Variants in LRRC49 observed in about 807,000 individuals in gnomAD.
LRRC49 encodes the protein leucine rich repeat containing 49.
Under a neutral mutation model 83.3 loss-of-function variants are expected in LRRC49, and 50 were observed. The observed-to-expected ratio is 0.60, with a 90% CI of 0.48 to 0.76. The LOEUF (loss-of-function observed/expected upper bound fraction) is 0.76. Ranked by LOEUF, LRRC49 falls within the 30% of genes least tolerant of loss-of-function variation. The pLI is 0.00. For synonymous variants in LRRC49, 286 were observed against 283.3 expected, an observed-to-expected ratio of 1.01 and a Z score of -0.10; for missense variants, 704 against 809.1, an observed-to-expected ratio of 0.87 and a Z score of 1.58.
chr15:70,921,428 C>T (rs1423359059), intron 7 of LRRC49, among the ~76,000 whole-genome samples: 1 of 152,202 alleles, frequency 6.6e-6, no homozygotes, highest in Non-Finnish European at 1.5e-5. Context: ...TAGCCAGATG[C>T]TCTGTACATG....
chr15:71,052,387 T>C lies in LRRC49; in HGVS notation c.*2775T>C, dbSNP rs376207313. 3.0e-4 allele frequency: 45 copies of C among 152,310 alleles called. 1 individual carries two copies. The highest frequency in any genetic ancestry group is 1.0e-3 in the African/African-American group (43 of 41,564). The allele number at this position is 152,310 out of a possible 1,614,324, so 9.4% of individuals were successfully genotyped here. A position where few individuals can be genotyped will look rare whatever the true frequency, so the allele number is the denominator to read the frequency against. ...ATGTTCTGGTACAGCAGCTGGATGG[T>C]GAAGTGTGCTGCTACACCTGAGGAT... On this transcript the variant is annotated 3_prime_UTR_variant, in exon 16 of 16. Transcript: ENST00000260382.
exon 2 of LRRC49, chr15:70,873,018 G>C: frequency 1.7e-6 from 1 of 589,172 alleles, no homozygotes; most frequent in South Asian, 1.9e-5. Flanking sequence ...CCGAGTAGCT[G>C]GGATTATAGG....
At chr15:70,883,492 C>T (rs910236530) in intron 2 of LRRC49, among the ~76,000 whole-genome samples, 7 of 152,022 alleles carry the variant, frequency 4.6e-5, no homozygotes, top group African/African-American at 1.7e-4. Flanking sequence ...CCTCGCCCAA[C>T]CAAGATGATA....
intron 8 of LRRC49, among the ~76,000 whole-genome samples, chr15:70,952,470 T>A (rs2036254596): frequency 6.6e-6 from 1 of 152,194 alleles, no homozygotes; most frequent in Non-Finnish European, 1.5e-5. Flanking sequence ...TATTGATTGC[T>A]ATTTTTATTG....
In LRRC49 at chr15:71,012,790, T is replaced by C; in HGVS notation, c.1594-14T>C. Reference sequence around the variant, plus strand: ...GGTGTCATTTTTTTACCCCTTTCTATTGTGTCTCTTCAGGTGACACAGAAT... The same window carrying C: ...GGTGTCATTTTTTTACCCCTTTCTACTGTGTCTCTTCAGGTGACACAGAAT... On this transcript the variant is annotated splice_polypyrimidine_tract_variant and intron_variant, in intron 13 of 15. Coordinates refer to ENST00000260382, the MANE Select transcript of LRRC49 (RefSeq NM_017691.5). 1 of 1,491,280 alleles carries C rather than the reference T, an allele frequency of 6.7e-7. No homozygotes were observed. Among genetic ancestry groups the C allele is most frequent in the South Asian group, 1.2e-5 (1 of 86,096 alleles). 92.4% of individuals were successfully genotyped at this position (1,491,280 alleles called of 1,614,324 possible).
intron 8 of LRRC49, 138 bp from the exon 9 acceptor site, chr15:70,963,647 A>T (rs117123512): frequency 1.3e-6 from 1 of 791,238 alleles, no homozygotes; most frequent in Non-Finnish European, 2.0e-6. Flanking sequence ...GAAACTGGGT[A>T]TGGGGTATAG....
chr15:70,981,939 TG>T (rs2037416639), intron 10 of LRRC49, among the ~76,000 whole-genome samples: 1 of 149,710 alleles, frequency 6.7e-6, no homozygotes, highest in Non-Finnish European at 1.5e-5. Flanking sequence ...AGCCCTTATG[TG>T]TCCTCCTGGC....
At chr15:70,986,647 C>T (rs1207782158) in intron 11 of LRRC49, among the ~76,000 whole-genome samples, 3 of 152,014 alleles carry the variant, frequency 2.0e-5, no homozygotes, top group African/African-American at 4.8e-5. Context: ...GCCTAATTGC[C>T]CTGGCCAGAA....
At chr15:70,872,855 C>A in intron 1 of LRRC49, 1 of 215,678 alleles carries the variant, frequency 4.6e-6, no homozygotes, top group South Asian at 7.9e-5. Flanking sequence ...ATGGCTCTGG[C>A]TCAAAATATC....
At chr15:71,043,511 G>T (rs1299323757) in intron 15 of LRRC49, among the ~76,000 whole-genome samples, 3 of 152,160 alleles carry the variant, frequency 2.0e-5, no homozygotes, top group African/African-American at 7.2e-5. Flanking sequence ...TCCTTGACAG[G>T]TCAGGGCAAG....
chr15:71,024,183 C>T (rs1008179335), intron 14 of LRRC49, among the ~76,000 whole-genome samples: 2 of 152,244 alleles, frequency 1.3e-5, no homozygotes, highest in African/African-American at 4.8e-5. Flanking sequence ...CTCCTGCTGG[C>T]TCTGAGGTAT....
intron 12 of LRRC49, 134 bp downstream of exon 12, chr15:71,008,750 C>G: frequency 1.6e-6 from 1 of 618,934 alleles, no homozygotes; most frequent in Non-Finnish European, 2.8e-6. Context: ...TGTTGATTTT[C>G]TTGAGCTAGG....
At chr15:70,939,438 T>C (rs2035721891) in intron 8 of LRRC49, among the ~76,000 whole-genome samples, 1 of 152,216 alleles carries the variant, frequency 6.6e-6, no homozygotes, top group Non-Finnish European at 1.5e-5. Context: ...GTTTAATGTG[T>C]GGACCTGTGA....
intron 8 of LRRC49, among the ~76,000 whole-genome samples, chr15:70,963,529 T>G (rs928176445): frequency 6.6e-6 from 1 of 151,978 alleles, no homozygotes; most frequent in African/African-American, 2.4e-5. Context: ...AGGTAAAAAC[T>G]AAGGGAAACC....
intron 6 of LRRC49, among the ~76,000 whole-genome samples, chr15:70,914,012 A>G: frequency 6.6e-6 from 1 of 151,794 alleles, no homozygotes. Flanking sequence ...TGTGTGTTAA[A>G]ATTAAACATT....
At chr15:70,891,062 G>T (rs2033545478), upstream of LRRC49, among the ~76,000 whole-genome samples, 1 of 152,192 alleles carries the variant, frequency 6.6e-6, no homozygotes, top group Non-Finnish European at 1.5e-5. Context: ...CCTAAGTAAG[G>T]ATTACAGACC....
intron 14 of LRRC49, among the ~76,000 whole-genome samples, chr15:71,024,697 G>A (rs2039104700): frequency 6.6e-6 from 1 of 151,914 alleles, no homozygotes; most frequent in African/African-American, 2.4e-5. Context: ...AAGCTAGAAT[G>A]CCTCTCCTCC....
At chr15:70,952,422 AT>A (rs1324100452) in intron 8 of LRRC49, among the ~76,000 whole-genome samples, 1 of 151,572 alleles carries the variant, frequency 6.6e-6, no homozygotes, top group African/African-American at 2.4e-5. Context: ...ACTTTTTATT[AT>A]TGATTTAATT....
chr15:70,970,905 A>G (rs1490816009), intron 9 of LRRC49, among the ~76,000 whole-genome samples: 2 of 152,020 alleles, frequency 1.3e-5, no homozygotes, highest in East Asian at 1.9e-4. Context: ...CTAGCAGTCT[A>G]CCTATTTTGT....
Sources: allele counts gnomAD v4.1 joint callset (sites outside exome capture counted in the v4.1 genomes callset), GRCh38; gene constraint gnomAD v4.1.1; transcripts MANE v1.5; gene names NCBI Gene and HGNC (gene_info 2026-07-23, HGNC 2026-07-21).